The following AUTS2 variants were observed in gnomAD, a reference collection of about 807,000 sequenced individuals.
AUTS2 encodes activator of transcription and developmental regulator AUTS2.
In AUTS2, 17 loss-of-function variants were observed where a neutral mutation model predicts 112.4. That is an observed-to-expected ratio of 0.15 (90% CI 0.10 to 0.23). The LOEUF (loss-of-function observed/expected upper bound fraction) is 0.23, where lower values mean the gene tolerates loss of function less well. Among genes scored for constraint, AUTS2 ranks in the 10% least tolerant of loss-of-function variants. The pLI is 1.00. For synonymous variants in AUTS2, 751 were observed against 702.7 expected (o/e 1.07, Z -1.09); for missense variants, 1,510 against 1,701.6 (o/e 0.89, Z 1.98).
chr7:70,538,525 G>A (rs150029291), intron 5 of AUTS2, among the ~76,000 whole-genome samples: 4,521 of 152,140 alleles, frequency 0.03, 100 homozygotes, highest in Middle Eastern at 0.095. Flanking sequence ...GCAAGACTCC[G>A]TCTCAAAAAA....
chr7:69,717,633 T>C (rs964990490), intron 1 of AUTS2, among the ~76,000 whole-genome samples: 15 of 152,220 alleles, frequency 9.9e-5, no homozygotes, highest in Admixed American at 9.8e-4. Flanking sequence ...GGGTTTCTAT[T>C]GTTTGGGAAA....
At position 70,780,117 on chromosome 7, in the gene AUTS2, A is replaced by G. The variant is rs75150774; in HGVS notation, c.2005-1498A>G. Among the ~76,000 whole-genome samples the G allele has an allele frequency of 4.0e-3, 610 of 152,138 alleles. 5 individuals are homozygous for G. Among genetic ancestry groups the G allele is most frequent in the African/African-American group, 0.014 (588 of 41,526 alleles). On this transcript the variant is annotated intron_variant, in intron 14 of 18. Transcript: ENST00000342771. ...ATGGGGAAGAGGTCATAGCAAGGGA[A>G]ATTCAACTAGAAGCTTCAAGTCCCA...
intron 1 of AUTS2, among the ~76,000 whole-genome samples, chr7:69,799,818 G>T (rs918988885): frequency 6.6e-6 from 1 of 152,088 alleles, no homozygotes. Flanking sequence ...TTGAGGGGCT[G>T]TGTTTTTATT....
chr7:69,666,431 T>C (rs191802715), intron 1 of AUTS2, among the ~76,000 whole-genome samples: 1 of 152,336 alleles, frequency 6.6e-6, no homozygotes, highest in Admixed American at 6.5e-5. Flanking sequence ...TTGGTGAGTA[T>C]TATTTTTCAT....
At position 70,238,120 on chromosome 7, in the gene AUTS2, A is replaced by G. The variant is rs529286137; in HGVS notation, c.660+103549A>G. ...CAAGCCCCATCTGGTAAGAGTGATTAGAGGCCTGATGAGGGAATTTAATTT... is the reference window on the plus strand; with the variant it reads ...CAAGCCCCATCTGGTAAGAGTGATTGGAGGCCTGATGAGGGAATTTAATTT... On this transcript the variant is annotated intron_variant, in intron 4 of 18. Coordinates refer to ENST00000342771, the MANE Select transcript of AUTS2 (RefSeq NM_015570.4). Among the ~76,000 whole-genome samples the G allele has an allele frequency of 2.6e-5, 4 of 152,352 alleles. No homozygotes were observed. The East Asian group carries it at 7.7e-4, about 29-fold the overall frequency.
intron 2 of AUTS2, among the ~76,000 whole-genome samples, chr7:69,981,987 CT>C (rs1798313584): frequency 6.6e-6 from 1 of 152,158 alleles, no homozygotes; most frequent in South Asian, 2.1e-4. Flanking sequence ...ACTTTACCTA[CT>C]GTCTTATTAA....
intron 1 of AUTS2, among the ~76,000 whole-genome samples, chr7:69,646,887 C>T (rs889466957): frequency 6.6e-6 from 1 of 152,122 alleles, no homozygotes; most frequent in Non-Finnish European, 1.5e-5. Context: ...GAGATCGAGA[C>T]CATCCTGGCT....
intron 1 of AUTS2, among the ~76,000 whole-genome samples, chr7:69,717,400 A>G (rs1008858897): frequency 6.6e-6 from 1 of 152,142 alleles, no homozygotes; most frequent in African/African-American, 2.4e-5. Flanking sequence ...AGAGAGTGTG[A>G]GAGTTGGCCT....
chr7:70,457,156 C>T (rs1164150074), intron 5 of AUTS2, among the ~76,000 whole-genome samples: 1 of 152,208 alleles, frequency 6.6e-6, no homozygotes, highest in African/African-American at 2.4e-5. Context: ...CTTACGTTCC[C>T]TTTCTTCCAG....
intron 1 of AUTS2, among the ~76,000 whole-genome samples, chr7:69,655,925 G>A (rs1484454217): frequency 6.6e-6 from 1 of 152,204 alleles, no homozygotes; most frequent in African/African-American, 2.4e-5. Flanking sequence ...GTTGTATGGG[G>A]CAGAGGAGAA....
At chr7:70,083,540 T>G (rs1213780848) in intron 2 of AUTS2, among the ~76,000 whole-genome samples, 1 of 152,236 alleles carries the variant, frequency 6.6e-6, no homozygotes, top group Non-Finnish European at 1.5e-5. Flanking sequence ...TATTTTCCTT[T>G]TGTTTGTAAC....
intron 1 of AUTS2, among the ~76,000 whole-genome samples, chr7:69,656,877 G>C (rs1305856910): frequency 6.6e-6 from 1 of 152,138 alleles, no homozygotes; most frequent in Admixed American, 6.5e-5. Flanking sequence ...CCTTTCATGT[G>C]ACATTCAGGG....
intron 5 of AUTS2, among the ~76,000 whole-genome samples, chr7:70,497,382 G>A (rs1055206601): frequency 3.3e-5 from 5 of 152,190 alleles, no homozygotes; most frequent in Admixed American, 2.6e-4. Flanking sequence ...CTTCAGACAG[G>A]TTGCTTTATC....
chr7:69,936,952 G>C (rs765109513), intron 2 of AUTS2, among the ~76,000 whole-genome samples: 1 of 149,226 alleles, frequency 6.7e-6, no homozygotes, highest in Non-Finnish European at 1.5e-5. Flanking sequence ...TCCTTTCCCC[G>C]CTCCCTGTTC....
At chr7:70,734,394 C>T (rs1787655048) in intron 6 of AUTS2, among the ~76,000 whole-genome samples, 4 of 151,672 alleles carry the variant, frequency 2.6e-5, no homozygotes, top group South Asian at 2.1e-4. Flanking sequence ...GAGCCAAGAT[C>T]GCGCCACTGC....
At position 70,790,036 on chromosome 7, in the gene AUTS2, G is replaced by A. The variant is rs148406339; in HGVS notation, c.2820G>A (p.Pro940=). 19 of 1,582,366 alleles carry A rather than the reference G, an allele frequency of 1.2e-5. No homozygotes were observed. The highest frequency in any genetic ancestry group is 2.3e-5 in the East Asian group (1 of 43,038). Residue 940 remains proline, a synonymous_variant, in exon 19 of 19, where the codon CCG becomes CCA. Transcript: ENST00000342771. This position sits in a 1 kb window ranked among gnomAD's most constrained non-coding sequence, Gnocchi z 7.6. ...GEEAKQLARV[P]SPYVRTPVVE... Reference sequence around the variant, plus strand: ...AGGCCAAGCAGCTGGCCCGGGTGCCGTCTCCCTACGTGCGGACCCCGGTGG... The same window carrying A: ...AGGCCAAGCAGCTGGCCCGGGTGCCATCTCCCTACGTGCGGACCCCGGTGG...
chr7:70,405,525 T>G (rs1794494320), intron 4 of AUTS2, among the ~76,000 whole-genome samples: 2 of 152,248 alleles, frequency 1.3e-5, no homozygotes, highest in African/African-American at 4.8e-5. Flanking sequence ...CCAAGTGTTA[T>G]CAGATTGATA....
chr7:70,108,904 G>C (rs1054778182), intron 2 of AUTS2, among the ~76,000 whole-genome samples: 1 of 150,984 alleles, frequency 6.6e-6, no homozygotes, highest in Admixed American at 6.6e-5. Context: ...GAGCCACCAT[G>C]CCCGGCCCAA....
At chr7:70,031,797 C>G (rs1166074811) in intron 2 of AUTS2, among the ~76,000 whole-genome samples, 1 of 152,130 alleles carries the variant, frequency 6.6e-6, no homozygotes, top group Non-Finnish European at 1.5e-5. Context: ...TTAGCACCTA[C>G]TATGCACTCT....
Sources: allele counts gnomAD v4.1 joint callset (sites outside exome capture counted in the v4.1 genomes callset), GRCh38; gene constraint gnomAD v4.1.1; non-coding constraint Gnocchi (gnomAD v3.1); transcripts MANE v1.5; gene names NCBI Gene and HGNC (gene_info 2026-07-23, HGNC 2026-07-21).